Variants in OTOF observed in about 807,000 individuals in gnomAD.
The protein encoded by OTOF is fer-1-like family member 2.
OTOF carries 218 observed loss-of-function variants against 236.8 expected under a neutral mutation model. The ratio of observed to expected loss-of-function variants is 0.92; its 90% CI spans 0.82 to 1.03. The LOEUF is 1.03. OTOF is among the 50% of genes least tolerant of loss of function. OTOF has a pLI of 0.00. For missense variants in OTOF, 2,590 were observed against 2,694.4 expected (o/e 0.96, Z 0.86); for synonymous variants, 1,041 against 1,072.5 (o/e 0.97, Z 0.57).
Position 26,476,507 on chromosome 2 carries a change from C to G in OTOF, c.2677-190G>C, listed in dbSNP as rs183809378. On this transcript the variant is annotated intron_variant, in intron 22 of 46. Transcript: ENST00000272371. ...TCATGCCCCCTTCCCCACCCCTTCC[C>G]CCACCTCCTTCCCCACCCCTTCCCC... Among the ~76,000 whole-genome samples the G allele has an allele frequency of 4.9e-3, 638 of 129,138 alleles. 1 individual carries two copies. The highest frequency in any genetic ancestry group is 7.6e-3 in the Middle Eastern group (2 of 262). The allele number at this position is 129,138 out of a possible 152,430, so 84.7% of individuals were successfully genotyped here.
At chr2:26,504,471 G>C (rs187443275) in intron 5 of OTOF, among the ~76,000 whole-genome samples, 1 of 152,298 alleles carries the variant, frequency 6.6e-6, no homozygotes, top group East Asian at 1.9e-4. Context: ...GAAAAAGGGG[G>C]AGATAGGCCC....
At chr2:26,507,545 C>CT (rs1268104152) in intron 5 of OTOF, among the ~76,000 whole-genome samples, 3 of 152,128 alleles carry the variant, frequency 2.0e-5, no homozygotes, top group Admixed American at 6.5e-5. Context: ...TTGTCCTGGC[C>CT]TTTTTTTGTT....
At chr2:26,511,547 A>G (rs1470257278) in intron 5 of OTOF, among the ~76,000 whole-genome samples, 1 of 152,342 alleles carries the variant, frequency 6.6e-6, no homozygotes, top group East Asian at 1.9e-4. Context: ...ACTTGACTGC[A>G]TATCCTGATG....
chr2:26,540,609 G>A, intron 1 of OTOF, among the ~76,000 whole-genome samples: 1 of 152,162 alleles, frequency 6.6e-6, no homozygotes, highest in East Asian at 1.9e-4. Context: ...TGACCCAGGA[G>A]CTAGTCCTAG....
chr2:26,483,313 G>A (rs1020710151), intron 13 of OTOF, 149 bp downstream of exon 13: 1 of 749,236 alleles, frequency 1.3e-6, no homozygotes. Flanking sequence ...GACTCCAGGA[G>A]GCAGTGAGGA....
Position 26,462,026 on chromosome 2 carries a change from C to T in OTOF, c.5291+57G>A. On this transcript the variant is annotated intron_variant, in intron 42 of 46. Transcript: ENST00000272371. This position sits in a 1 kb window ranked among gnomAD's most constrained non-coding sequence, Gnocchi z 4.7. The stretch of plus-strand genomic sequence containing the variant: ...CTTCCCTCTGCCTCCTCTCCTGCCC[C>T]CCGGGAAGCAAGCCCCACCCAGCTC... 1.2e-6 allele frequency: 2 copies of T among 1,612,694 alleles called. No individual in the cohort carries two copies. The highest frequency in any genetic ancestry group is 1.7e-6 in the Non-Finnish European group (2 of 1,179,212).
In OTOF at chr2:26,458,236, G is replaced by A. The variant is rs1261042684; in HGVS notation, c.*18-16C>T. ...GTCGGGCCGGCTGGGAAGTGGAAGA[G>A]AGGAGCCGGTCAGCCAGTGGGCAGG... On this transcript the variant is annotated splice_polypyrimidine_tract_variant and intron_variant, in intron 46 of 46. Coordinates refer to ENST00000272371, the MANE Select transcript of OTOF (RefSeq NM_194248.3). 6.4e-7 allele frequency: 1 copy of A among 1,561,898 alleles called. No individual in the cohort carries two copies. Among genetic ancestry groups the A allele is most frequent in the Non-Finnish European group, 8.7e-7 (1 of 1,153,132 alleles).
intron 8 of OTOF, among the ~76,000 whole-genome samples, chr2:26,496,740 G>A (rs1226876280): frequency 1.3e-5 from 2 of 152,028 alleles, no homozygotes; most frequent in Non-Finnish European, 2.9e-5. Context: ...TGTACTGGGG[G>A]TTGCTGAACT....
intron 12 of OTOF, among the ~76,000 whole-genome samples, chr2:26,483,898 C>T (rs139258655): frequency 2.6e-5 from 4 of 152,286 alleles, no homozygotes; most frequent in African/African-American, 4.8e-5. Context: ...AGAACATGAT[C>T]GGCTCAAGCA....
chr2:26,488,733 G>A (rs953430816), intron 11 of OTOF, among the ~76,000 whole-genome samples: 1 of 152,228 alleles, frequency 6.6e-6, no homozygotes, highest in Non-Finnish European at 1.5e-5. Flanking sequence ...CCCTGGCTCT[G>A]AGCCTCAACT....
chr2:26,480,462 C>A (rs1328738895), intron 15 of OTOF, 151 bp from the exon 16 acceptor site: 4 of 699,554 alleles, frequency 5.7e-6, no homozygotes, highest in East Asian at 2.7e-5. Context: ...ACCCCAACGG[C>A]CCCCCAGCCT....
chr2:26,469,245 C>A (rs1664871415), intron 32 of OTOF, among the ~76,000 whole-genome samples: 1 of 152,134 alleles, frequency 6.6e-6, no homozygotes, highest in African/African-American at 2.4e-5. Context: ...ATAAATCTTA[C>A]TAGAAACTAG....
At chr2:26,556,130 C>T (rs1263985627) in intron 1 of OTOF, among the ~76,000 whole-genome samples, 1 of 152,222 alleles carries the variant, frequency 6.6e-6, no homozygotes, top group Non-Finnish European at 1.5e-5. Context: ...GGGCACAGCT[C>T]ACCAAGGGCT....
intron 30 of OTOF, 173 bp downstream of exon 30, chr2:26,472,346 T>C (rs1165013673): frequency 3.9e-6 from 3 of 763,088 alleles, no homozygotes; most frequent in Non-Finnish European, 7.0e-6. Context: ...CATTCCAGGA[T>C]AGTATTAGGA....
At chr2:26,490,626 C>A (rs933113893) in intron 9 of OTOF, among the ~76,000 whole-genome samples, 2 of 152,200 alleles carry the variant, frequency 1.3e-5, no homozygotes, top group East Asian at 3.9e-4. Flanking sequence ...CTGCTGGGGG[C>A]TGGCCCTTGA....
At chr2:26,467,283 G>A in intron 34 of OTOF, 50 bp from the exon 35 acceptor site, 1 of 1,613,910 alleles carries the variant, frequency 6.2e-7, no homozygotes, top group Non-Finnish European at 8.5e-7. Context: ...TCTGGCTTTT[G>A]TCCTGCCCCA....
rs201742228 is a variant in OTOF, at chr2:26,503,760, C to T, written c.583+12G>A. 5.0e-6 allele frequency: 8 copies of T among 1,611,956 alleles called. No individual in the cohort carries two copies. The highest frequency in any genetic ancestry group is 6.8e-6 in the Non-Finnish European group (8 of 1,178,236). On this transcript the variant is annotated intron_variant, in intron 6 of 46. Coordinates refer to ENST00000272371, the MANE Select transcript of OTOF (RefSeq NM_194248.3). ...GCGCGGGGCTGCGGGGCTCACGCGG[C>T]ACCTGTCCTACCTGGTCTTTGGGGC... is the stretch of plus-strand genomic sequence containing the variant.
intron 2 of OTOF, among the ~76,000 whole-genome samples, chr2:26,536,534 C>T (rs967315290): frequency 2.0e-5 from 3 of 152,042 alleles, no homozygotes; most frequent in Non-Finnish European, 4.4e-5. Flanking sequence ...GGTTTTGCTC[C>T]CTGTGTCTCC....
At chr2:26,539,102 C>T (rs1221195045) in intron 1 of OTOF, among the ~76,000 whole-genome samples, 1 of 152,006 alleles carries the variant, frequency 6.6e-6, no homozygotes, top group Non-Finnish European at 1.5e-5. Flanking sequence ...CATGAGTCAC[C>T]GCGCCAGGCC....
Sources: gnomAD v4.1 joint callset for allele counts (sites outside exome capture counted in the v4.1 genomes callset) on GRCh38, gnomAD v4.1.1 for gene constraint, Gnocchi (gnomAD v3.1) non-coding constraint, MANE v1.5 for transcripts, NCBI Gene and HGNC (gene_info 2026-07-23, HGNC 2026-07-21) for gene names.